Variants in PROCR observed in about 807,000 individuals in gnomAD.
PROCR encodes protein C receptor.
In PROCR, 22 loss-of-function variants were observed where a neutral mutation model predicts 24.2. That is an observed-to-expected ratio of 0.91 (90% CI 0.65 to 1.30). The LOEUF (loss-of-function observed/expected upper bound fraction) is 1.30, where lower values mean the gene tolerates loss of function less well. PROCR is among the 50% of genes most tolerant of loss of function. The pLI, the probability that PROCR is intolerant of heterozygous loss-of-function variation, is 0.00. For synonymous variants in PROCR, 137 were observed against 139.2 expected, an observed-to-expected ratio of 0.98 and a Z score of 0.11; for missense variants, 288 against 307.7, an observed-to-expected ratio of 0.94 and a Z score of 0.48.
At chr20:35,193,666 G>A (rs1242147256) in intron 1 of PROCR, among the ~76,000 whole-genome samples, 2 of 152,186 alleles carry the variant, frequency 1.3e-5, no homozygotes, top group Non-Finnish European at 2.9e-5. Flanking sequence ...TATTGAAATG[G>A]GGAAGCTATA....
intron 1 of PROCR, among the ~76,000 whole-genome samples, chr20:35,182,672 A>G (rs1270167595): frequency 6.6e-6 from 1 of 152,138 alleles, no homozygotes; most frequent in Non-Finnish European, 1.5e-5. Flanking sequence ...AGAAACACAC[A>G]AATAAAAATG....
At chr20:35,204,244 A>G (rs2060329189) in intron 1 of PROCR, among the ~76,000 whole-genome samples, 1 of 152,170 alleles carries the variant, frequency 6.6e-6, no homozygotes, top group African/African-American at 2.4e-5. Context: ...CAGATCAGAG[A>G]AATAGTCCTA....
At chr20:35,192,765 C>T (rs770947600) in intron 1 of PROCR, among the ~76,000 whole-genome samples, 5 of 151,994 alleles carry the variant, frequency 3.3e-5, no homozygotes, top group East Asian at 1.9e-4. Flanking sequence ...TTGAAATGCA[C>T]GAGGCTAGAA....
At chr20:35,189,412 G>A (rs1215126962) in intron 1 of PROCR, among the ~76,000 whole-genome samples, 11 of 152,092 alleles carry the variant, frequency 7.2e-5, no homozygotes, top group East Asian at 1.9e-4. Flanking sequence ...TAGTCAGACC[G>A]GTTCTCTGCT....
At chr20:35,176,498 G>T (rs1226721198) in intron 3 of PROCR, 52 bp downstream of exon 3, 1 of 1,607,422 alleles carries the variant, frequency 6.2e-7, no homozygotes, top group Non-Finnish European at 8.5e-7. Context: ...GCGGGTTCCA[G>T]ACAAATGGAT....
At chr20:35,195,856 A>G (rs1283890573) in intron 1 of PROCR, among the ~76,000 whole-genome samples, 1 of 151,202 alleles carries the variant, frequency 6.6e-6, no homozygotes, top group African/African-American at 2.4e-5. Context: ...AAAGAAAGAA[A>G]GAAAGAAAAA....
rs1388471825 is a variant in PROCR at position 35,174,886 on chromosome 20, C to G, written c.255C>G (p.Gly85=). ...AGAGCTGGGCGCGCACGCAGAGTGG[C>G]CTGCAGTCCTACCTGCTCCAGTTCC... The part of the protein sequence containing the change: ...EPESWARTQS[G]LQSYLLQFHG... Residue 85 remains glycine, a synonymous_variant, in exon 2 of 4, where the codon GGC becomes GGG. Transcript: ENST00000216968. The G allele has an allele frequency of 1.9e-6, 3 of 1,611,586 alleles. No individual in the cohort carries two copies. The highest frequency in any genetic ancestry group is 2.5e-6 in the Non-Finnish European group (3 of 1,179,136).
At chr20:35,195,683 T>C (rs1600746876) in intron 1 of PROCR, among the ~76,000 whole-genome samples, 2 of 151,028 alleles carry the variant, frequency 1.3e-5, no homozygotes, top group Admixed American at 1.3e-4. Flanking sequence ...TAGCCAGGTG[T>C]GGTGGTGCTT....
intron 1 of PROCR, among the ~76,000 whole-genome samples, chr20:35,196,289 A>G (rs2086216607): frequency 6.6e-6 from 1 of 152,012 alleles, no homozygotes; most frequent in Admixed American, 6.6e-5. Context: ...TAGAGGAGAA[A>G]GAGACTGATG....
At chr20:35,205,407 A>G (rs978436135) in intron 1 of PROCR, among the ~76,000 whole-genome samples, 1 of 151,186 alleles carries the variant, frequency 6.6e-6, no homozygotes, top group East Asian at 1.9e-4. Flanking sequence ...TGATAAAAAA[A>G]AAAAAATCTC....
At chr20:35,185,136 G>A (rs576966364) in intron 1 of PROCR, among the ~76,000 whole-genome samples, 1 of 151,494 alleles carries the variant, frequency 6.6e-6, no homozygotes, top group African/African-American at 2.4e-5. Flanking sequence ...ATGAAAAAAT[G>A]CTCAACATTA....
At chr20:35,188,828 C>A (rs759465713) in intron 1 of PROCR, among the ~76,000 whole-genome samples, 4 of 152,132 alleles carry the variant, frequency 2.6e-5, no homozygotes, top group African/African-American at 9.7e-5. Context: ...AAGTCAGGGA[C>A]CCCGAACAGA....
intron 1 of PROCR, among the ~76,000 whole-genome samples, chr20:35,203,486 G>A (rs2060326444): frequency 6.6e-6 from 1 of 150,856 alleles, no homozygotes; most frequent in Non-Finnish European, 1.5e-5. Context: ...GCGTGATAGT[G>A]CGCGCCTGTA....
chr20:35,208,556 C>T (rs561607829), intron 1 of PROCR, among the ~76,000 whole-genome samples: 14 of 152,214 alleles, frequency 9.2e-5, no homozygotes, highest in African/African-American at 1.7e-4. Context: ...TCTCAGTATC[C>T]GCGTACTCTG....
At chr20:35,176,537 C>G in intron 3 of PROCR, 91 bp downstream of exon 3, 1 of 1,599,832 alleles carries the variant, frequency 6.3e-7, no homozygotes, top group African/African-American at 1.3e-5. Context: ...CCTAGAGCAA[C>G]AAGAGGCCCA....
intron 2 of PROCR, among the ~76,000 whole-genome samples, chr20:35,175,245 TCCTCA>T (rs2085999978): frequency 6.6e-6 from 1 of 151,378 alleles, no homozygotes; most frequent in African/African-American, 2.4e-5. Flanking sequence ...CCCAGAAAAC[TCCTCA>T]CCCCTCGCCT....
At chr20:35,178,507 G>GTTTTGTTA (rs1272557859), downstream of PROCR, among the ~76,000 whole-genome samples, 1 of 34,372 alleles carries the variant, frequency 2.9e-5, no homozygotes, top group Non-Finnish European at 4.5e-5. Flanking sequence ...TCAAGTCTCA[G>GTTTTGTTA]TTTTTTTTTT....
chr20:35,176,426 T>C lies in PROCR; in HGVS notation c.581T>C (p.Ile194Thr), dbSNP rs1346045901. The C allele has an allele frequency of 6.2e-6, 10 of 1,613,864 alleles. No homozygotes were observed. The highest frequency in any genetic ancestry group is 1.3e-5 in the African/African-American group (1 of 74,890). The change falls in exon 3 of 4, where the codon ATT becomes ACT. Residue 194 changes from isoleucine (I) to threonine (T), a missense_variant. Coordinates refer to ENST00000216968, the MANE Select transcript of PROCR (RefSeq NM_006404.5). ...TGTGTGCAGTATGTGCAGAAACATA[T>C]TTCCGCGGAAAACACGAAAGGTATG... ...DTCVQYVQKH[I>T]SAENTKGSQT...
intron 1 of PROCR, among the ~76,000 whole-genome samples, chr20:35,213,550 G>A (rs2060370121): frequency 6.6e-6 from 1 of 151,956 alleles, no homozygotes; most frequent in African/African-American, 2.4e-5. Context: ...TGAAACCTAA[G>A]TGAACTGTTA....
Sources: gnomAD v4.1 joint callset for allele counts (sites outside exome capture counted in the v4.1 genomes callset) on GRCh38, gnomAD v4.1.1 for gene constraint, MANE v1.5 for transcripts, NCBI Gene and HGNC (gene_info 2026-07-23, HGNC 2026-07-21) for gene names.